The following ACSM3 variants were observed in gnomAD, a reference collection of about 807,000 sequenced individuals.
ACSM3 encodes the protein acyl-coenzyme A synthetase ACSM3, mitochondrial.
In ACSM3, 61 loss-of-function variants were observed where a neutral mutation model predicts 74.1. That is an observed-to-expected ratio of 0.82 (90% CI 0.67 to 1.02). The LOEUF is 1.02. ACSM3 is among the 50% of genes least tolerant of loss of function. The pLI is 0.00. For synonymous variants in ACSM3, 213 were observed against 241.5 expected (o/e 0.88, Z 1.09); for missense variants, 660 against 697.0 (o/e 0.95, Z 0.60).
intron 1 of ACSM3, chr16:20,682,309 G>T (rs2079462838): frequency 1.9e-6 from 3 of 1,613,914 alleles, no homozygotes; most frequent in Non-Finnish European, 2.5e-6. Context: ...CAGACACCAG[G>T]AGCTTGGTTT....
Position 20,752,970 on chromosome 16 carries a change from T to C in ACSM3, c.-95-2603T>C, listed in dbSNP as rs565506994. 3.9e-5 allele frequency among the ~76,000 whole-genome samples: 6 copies of C among 152,234 alleles called. 1 individual carries two copies. The highest frequency in any genetic ancestry group is 4.1e-4 in the South Asian group (2 of 4,824). On this transcript the variant is annotated intron_variant, in intron 2 of 3. Transcript: ENST00000561584. ...GAAAAATATGTTAAACTCAACCACA[T>C]TGAATTAGCAAAATCAACACTGAAT...
chr16:20,737,696 A>C (rs1280194641), intron 1 of ACSM3: 10 of 1,593,118 alleles, frequency 6.3e-6, no homozygotes, highest in Non-Finnish European at 8.5e-6. Flanking sequence ...AAAATCACTA[A>C]GAGAAACATA....
At chr16:20,705,505 G>A (rs2079724630) in intron 1 of ACSM3, among the ~76,000 whole-genome samples, 1 of 152,102 alleles carries the variant, frequency 6.6e-6, no homozygotes, top group Admixed American at 6.6e-5. Flanking sequence ...AATTTCAAGA[G>A]AGAGAGAGAA....
intron 1 of ACSM3, among the ~76,000 whole-genome samples, chr16:20,744,527 T>A (rs2079949918): frequency 6.6e-6 from 1 of 152,132 alleles, no homozygotes; most frequent in South Asian, 2.1e-4. Flanking sequence ...TGGGATTACC[T>A]GTGCATGCCA....
Position 20,785,031 on chromosome 16 carries a change from T to C in ACSM3, c.1067T>C (p.Ile356Thr), listed in dbSNP as rs1001163441. The part of the protein sequence containing the change: ...LKHCVSAGEP[I>T]TPDVTEKWRN... ...CACTGTGTGAGTGCTGGGGAACCAA[T>C]TACCCCTGACGTGACTGAAAAATGG... Residue 356 changes from isoleucine (I) to threonine (T), a missense_variant, in exon 8 of 14, where the codon ATT (isoleucine) becomes ACT (threonine). Coordinates refer to ENST00000289416, the MANE Select transcript of ACSM3 (RefSeq NM_005622.4). 1 of 1,613,738 alleles carries C rather than the reference T, an allele frequency of 6.2e-7. No individual in the cohort carries two copies. The highest frequency in any genetic ancestry group is 1.7e-5 in the Admixed American group (1 of 60,002).
chr16:20,694,413 GAACA>G (rs2079678957), intron 1 of ACSM3, among the ~76,000 whole-genome samples: 1 of 152,116 alleles, frequency 6.6e-6, no homozygotes, highest in African/African-American at 2.4e-5. Context: ...CGGCACCAAG[GAACA>G]AACATTTCAA....
upstream of ACSM3, among the ~76,000 whole-genome samples, chr16:20,762,027 G>A (rs1424290801): frequency 4.6e-5 from 7 of 152,262 alleles, no homozygotes; most frequent in East Asian, 7.7e-4. Context: ...TGTATAAAAC[G>A]CAAAGTCAAA....
chr16:20,782,252 T>C (rs1422680239), intron 7 of ACSM3, among the ~76,000 whole-genome samples: 1 of 152,220 alleles, frequency 6.6e-6, no homozygotes, highest in Non-Finnish European at 1.5e-5. Context: ...TTTGTTTTGT[T>C]TTGTTTCAAT....
Position 20,796,445 on chromosome 16 carries a change from G to A in ACSM3, c.1630G>A (p.Glu544Lys). The A allele has an allele frequency of 3.7e-6, 6 of 1,613,706 alleles. No homozygotes were observed. The highest frequency in any genetic ancestry group is 5.1e-6 in the Non-Finnish European group (6 of 1,179,924). Reference protein sequence around the residue: ...DQEQLIKEIQEHVKKTTAPYK... With the variant: ...DQEQLIKEIQKHVKKTTAPYK... Reference sequence around the variant, plus strand: ...AGAACAACTAATAAAGGAGATTCAGGAGCATGTTAAAAAAACTACAGCACC... The same window carrying A: ...AGAACAACTAATAAAGGAGATTCAGAAGCATGTTAAAAAAACTACAGCACC... Residue 544 changes from glutamate (E) to lysine (K), a missense_variant, in exon 13 of 14, where the codon GAG becomes AAG. Transcript: ENST00000289416.
At chr16:20,728,454 T>A (rs1020862630) in intron 1 of ACSM3, 4 of 1,349,044 alleles carry the variant, frequency 3.0e-6, no homozygotes, top group Non-Finnish European at 4.2e-6. Flanking sequence ...CAGACTAAAG[T>A]CTACACAGCC....
chr16:20,686,220 T>C (rs2079551462), intron 1 of ACSM3, among the ~76,000 whole-genome samples: 1 of 152,152 alleles, frequency 6.6e-6, no homozygotes, highest in Non-Finnish European at 1.5e-5. Flanking sequence ...AAAAATTTTT[T>C]TAATTAAGTT....
chr16:20,686,744 C>G (rs920772967), intron 1 of ACSM3, among the ~76,000 whole-genome samples: 12 of 151,940 alleles, frequency 7.9e-5, no homozygotes, highest in African/African-American at 2.7e-4. Context: ...AGCCCAGTTT[C>G]AGGCTACAGT....
chr16:20,793,819 C>T (rs1281284711), intron 12 of ACSM3, among the ~76,000 whole-genome samples: 4 of 152,208 alleles, frequency 2.6e-5, no homozygotes, highest in Non-Finnish European at 5.9e-5. Flanking sequence ...TTCTCCCCTA[C>T]CATTAGTCAT....
intron 1 of ACSM3, chr16:20,741,481 G>GGGGGGGGC: frequency 2.3e-6 from 3 of 1,308,412 alleles, no homozygotes; most frequent in Non-Finnish European, 2.0e-6. Flanking sequence ...CTGGCAGCCG[G>GGGGGGGGC]CCCGCCCGCC....
chr16:20,782,417 C>T (rs1031203346), intron 7 of ACSM3, among the ~76,000 whole-genome samples: 2 of 152,148 alleles, frequency 1.3e-5, no homozygotes, highest in African/African-American at 4.8e-5. Context: ...CCCCAGAGTC[C>T]CCAAAGTCCA....
In ACSM3 at chr16:20,741,771, T is replaced by C. The variant is rs764002293; in HGVS notation, c.-189-8139T>C. ...CGCAAACTGAGAGGAAAGAGAAACG[T>C]TTCTCCGCTGCTGTTGGCGTCCTCG... On this transcript the variant is annotated intron_variant, in intron 1 of 3. Transcript: ENST00000561584. 5.2e-6 allele frequency: 8 copies of C among 1,552,116 alleles called. No individual in the cohort carries two copies. In the Admixed American group the frequency reaches 1.6e-4, roughly 30 times the overall value.
intron 1 of ACSM3, among the ~76,000 whole-genome samples, chr16:20,709,359 T>A (rs1479560169): frequency 6.6e-6 from 1 of 152,200 alleles, no homozygotes; most frequent in Non-Finnish European, 1.5e-5. Context: ...AAACACTCAA[T>A]TAAATGTAAA....
chr16:20,678,914 C>T (rs574223569), intron 1 of ACSM3, among the ~76,000 whole-genome samples: 14 of 152,100 alleles, frequency 9.2e-5, no homozygotes, highest in East Asian at 3.9e-4. Context: ...TTTGTTCAGC[C>T]GGCCACCCCC....
chr16:20,755,553 A>G (rs995374883), intron 2 of ACSM3: 1 of 151,876 alleles, frequency 6.6e-6, no homozygotes, highest in Admixed American at 6.6e-5. Context: ...TATAAAATAT[A>G]TATTTCATCT....
Sources: gnomAD v4.1 joint callset for allele counts (sites outside exome capture counted in the v4.1 genomes callset) on GRCh38, gnomAD v4.1.1 for gene constraint, MANE v1.5 for transcripts, NCBI Gene and HGNC (gene_info 2026-07-23, HGNC 2026-07-21) for gene names.